The following MCTP2 variants were observed in gnomAD, a reference collection of about 807,000 sequenced individuals.
MCTP2 encodes the protein multiple C2 and transmembrane domain-containing protein 2.
A neutral mutation model predicts 111.6 loss-of-function variants in MCTP2; 132 were observed. The ratio of observed to expected loss-of-function variants is 1.18; its 90% confidence interval spans 1.03 to 1.37. The LOEUF (loss-of-function observed/expected upper bound fraction) is 1.37. MCTP2 is among the 40% of genes most tolerant of loss of function. MCTP2 has a pLI of 0.00. For synonymous variants in MCTP2, 395 were observed against 387.7 expected, an observed-to-expected ratio of 1.02 and a Z score of -0.22; for missense variants, 1,183 against 1,067.9, an observed-to-expected ratio of 1.11 and a Z score of -1.50.
rs1229707430 is a variant in MCTP2 at position 94,244,422 on chromosome 15, A to G, written c.-66+12758A>G. Among the ~76,000 whole-genome samples the G allele has an allele frequency of 2.0e-5, 3 of 149,826 alleles. No homozygotes were observed. In the East Asian group the frequency reaches 6.0e-4, roughly 30 times the overall value. ...TATTTATATTCGTATATGTATACAC[A>G]TACATATGCACCTATGTTTATATAC... On this transcript the variant is annotated intron_variant, in intron 1 of 22. Transcript: ENST00000357742.
intron 17 of MCTP2, among the ~76,000 whole-genome samples, chr15:94,428,259 A>C (rs866875202): frequency 1.3e-5 from 2 of 152,272 alleles, no homozygotes; most frequent in South Asian, 2.1e-4. Context: ...CTTTAAAGAT[A>C]ATTTGTGACA....
At position 94,356,196 on chromosome 15, in the gene MCTP2, C is replaced by G; in HGVS notation, c.1065C>G (p.Asn355Lys). 1.2e-6 allele frequency: 2 copies of G among 1,612,660 alleles called. No individual in the cohort carries two copies. The highest frequency in any genetic ancestry group is 1.7e-6 in the Non-Finnish European group (2 of 1,179,296). The change falls in exon 9 of 23, where the codon AAC becomes AAG. Residue 355 changes from asparagine (N) to lysine (K), a missense_variant. By Grantham distance (94) the Asn-to-Lys change is moderately conservative (BLOSUM62 0). Transcript: ENST00000357742. ...SESLKKNQLW[N>K]GIISITLLEG... ...CCTTGAAAAAGAACCAACTCTGGAA[C>G]GGGATTATAAGTATAACTTTGTTGG...
intron 14 of MCTP2, among the ~76,000 whole-genome samples, chr15:94,385,883 T>C (rs572639534): frequency 1.8e-4 from 28 of 152,374 alleles, no homozygotes; most frequent in African/African-American, 6.5e-4. Context: ...TGTATTTCTT[T>C]ATAGCTCCTT....
rs150308595 is a variant in MCTP2 at position 94,466,496 on chromosome 15, A to G, written c.2361-3837A>G. 2.7e-4 allele frequency among the ~76,000 whole-genome samples: 41 copies of G among 152,268 alleles called. No homozygotes were observed. In the East Asian group the frequency reaches 7.9e-3, roughly 29 times the overall value. On this transcript the variant is annotated intron_variant, in intron 20 of 22. Transcript: ENST00000357742. ...ATAAACTGAAATGATAGATTTCTCC[A>G]CTTAGCACCGAGGGCATGATTTATG...
rs555675156 is a variant in MCTP2, at chr15:94,245,245, C to T, written c.-66+13581C>T. On this transcript the variant is annotated intron_variant, in intron 1 of 22. Transcript: ENST00000357742. Reference sequence around the variant, plus strand: ...ATATATACATATGTATGTATATATACACATATGTATATATACATATGTGTA... The same window carrying T: ...ATATATACATATGTATGTATATATATACATATGTATATATACATATGTGTA... 9.8e-4 allele frequency among the ~76,000 whole-genome samples: 134 copies of T among 137,192 alleles called. 2 individuals carry two copies. The South Asian group carries it at 0.026, about 27-fold the overall frequency. The allele number at this position is 137,192 out of a possible 152,430, so 90.0% of individuals were successfully genotyped here.
chr15:94,402,034 T>G lies in MCTP2; in HGVS notation c.2085+15T>G. The G allele has an allele frequency of 6.2e-7, 1 of 1,608,476 alleles. No homozygotes were observed. The highest frequency in any genetic ancestry group is 8.5e-7 in the Non-Finnish European group (1 of 1,178,122). ...TAGCATTCGCGGTAAGCTTCCTTTC[T>G]TATGTTCAAACTATTTGCTTCTTAT... is the stretch of plus-strand genomic sequence containing the variant. On this transcript the variant is annotated intron_variant, in intron 17 of 22. Transcript: ENST00000357742.
At chr15:94,469,628 G>A (rs566541660) in intron 20 of MCTP2, among the ~76,000 whole-genome samples, 1 of 152,250 alleles carries the variant, frequency 6.6e-6, no homozygotes, top group Admixed American at 6.5e-5. Context: ...AGCACTTTGG[G>A]AGGTCAAGGC....
At chr15:94,425,835 G>A (rs2082863148) in intron 17 of MCTP2, among the ~76,000 whole-genome samples, 3 of 152,078 alleles carry the variant, frequency 2.0e-5, no homozygotes, top group Admixed American at 2.0e-4. Flanking sequence ...GACTTAAACA[G>A]TACTAAATCC....
intron 1 of MCTP2, among the ~76,000 whole-genome samples, chr15:94,288,415 C>G (rs952636848): frequency 2.6e-5 from 4 of 152,180 alleles, no homozygotes; most frequent in African/African-American, 4.8e-5. Context: ...GAACTCCACT[C>G]AAGTCCCAGA....
At chr15:94,381,055 C>T (rs906632413) in intron 12 of MCTP2, among the ~76,000 whole-genome samples, 1 of 152,182 alleles carries the variant, frequency 6.6e-6, no homozygotes, top group African/African-American at 2.4e-5. Flanking sequence ...GATGTTATTC[C>T]TGTGAAATGG....
intron 8 of MCTP2, among the ~76,000 whole-genome samples, chr15:94,346,094 C>T (rs951861874): frequency 1.3e-5 from 2 of 152,020 alleles, no homozygotes; most frequent in African/African-American, 4.8e-5. Context: ...GGGCCACTGC[C>T]AGCTCAAAGA....
intron 8 of MCTP2, among the ~76,000 whole-genome samples, chr15:94,353,127 G>A (rs2078403054): frequency 1.3e-5 from 2 of 152,200 alleles, no homozygotes; most frequent in South Asian, 4.1e-4. Flanking sequence ...ATCCTGGACA[G>A]CAGAGAGCAA....
intron 2 of MCTP2, among the ~76,000 whole-genome samples, chr15:94,303,105 A>ATATATATAGTTTATATAGTT (rs2075713914): frequency 1.5e-5 from 2 of 133,042 alleles, no homozygotes; most frequent in Admixed American, 7.7e-5. Flanking sequence ...TATAGTTTAT[A>ATATATATAGTTTATATAGTT]TATATATATA....
chr15:94,241,956 A>T (rs1442751879), intron 1 of MCTP2, among the ~76,000 whole-genome samples: 1 of 152,158 alleles, frequency 6.6e-6, no homozygotes, highest in African/African-American at 2.4e-5. Context: ...ATTAGATTTT[A>T]TTAGTTTCTT....
chr15:94,321,220 A>T (rs2076615360), intron 4 of MCTP2, among the ~76,000 whole-genome samples: 1 of 152,152 alleles, frequency 6.6e-6, no homozygotes, highest in Non-Finnish European at 1.5e-5. Flanking sequence ...CAGTAGAAAG[A>T]ATAAGTTACA....
chr15:94,295,909 C>G (rs1199226328), intron 1 of MCTP2, among the ~76,000 whole-genome samples: 1 of 115,708 alleles, frequency 8.6e-6, no homozygotes, highest in African/African-American at 2.6e-5. Context: ...GAGTGAGACC[C>G]TGACTCAAAA....
chr15:94,378,929 G>A (rs1465295942), intron 12 of MCTP2, among the ~76,000 whole-genome samples: 1 of 152,152 alleles, frequency 6.6e-6, no homozygotes, highest in Non-Finnish European at 1.5e-5. Context: ...TTGAATATAT[G>A]AACAGGTACA....
At chr15:94,353,345 A>G (rs1357654015) in intron 8 of MCTP2, among the ~76,000 whole-genome samples, 1 of 152,112 alleles carries the variant, frequency 6.6e-6, no homozygotes, top group Non-Finnish European at 1.5e-5. Context: ...TTGCCCTCCC[A>G]TGCTGTTCCG....
chr15:94,242,944 TAGATACAC>T (rs757653524), intron 1 of MCTP2, among the ~76,000 whole-genome samples: 14 of 135,540 alleles, frequency 1.0e-4, no homozygotes, highest in Non-Finnish European at 1.6e-4. Context: ...CGTGTATATG[TAGATACAC>T]ATATACACGT....
Sources: gnomAD v4.1 joint callset for allele counts (sites outside exome capture counted in the v4.1 genomes callset) on GRCh38, gnomAD v4.1.1 for gene constraint, MANE v1.5 for transcripts, NCBI Gene and HGNC (gene_info 2026-07-23, HGNC 2026-07-21) for gene names.